The following COL5A1 variants were observed in gnomAD, a reference collection of about 807,000 sequenced individuals.
The protein encoded by COL5A1 is collagen type V alpha 1 chain.
In COL5A1, 16 loss-of-function variants were observed where a neutral mutation model predicts 263.7. The observed-to-expected ratio is 0.06, with a 90% CI of 0.04 to 0.09. The LOEUF is 0.09. Among genes scored for constraint, COL5A1 ranks in the 10% least tolerant of loss-of-function variants. COL5A1 has a pLI of 1.00. For missense variants in COL5A1, 2,036 were observed against 2,540.5 expected (o/e 0.80, Z 4.27); for synonymous variants, 1,012 against 1,004.5 (o/e 1.01, Z -0.14).
chr9:134,708,421 G>GGA, intron 4 of COL5A1: 1 of 408,190 alleles, frequency 2.4e-6, no homozygotes, highest in Non-Finnish European at 4.9e-6. Context: ...GCAACTCCCG[G>GGA]GGTGGGGGCT....
chr9:134,729,976 C>T (rs1223494492), intron 6 of COL5A1, among the ~76,000 whole-genome samples: 1 of 152,194 alleles, frequency 6.6e-6, no homozygotes, highest in Non-Finnish European at 1.5e-5. Flanking sequence ...TGGTGTGTAA[C>T]TGGGTGGGTT....
chr9:134,818,539 A>G lies in COL5A1; in HGVS notation c.4231-117A>G. 1 of 735,530 alleles carries G rather than the reference A, an allele frequency of 1.4e-6. No homozygotes were observed. Among genetic ancestry groups the G allele is most frequent in the South Asian group, 1.5e-5 (1 of 64,526 alleles). The allele number at this position is 735,530 out of a possible 1,614,324, so 45.6% of individuals were successfully genotyped here. Reference sequence around the variant, plus strand: ...ATGTGGAGAATTAGGGCAACCCCGGATATGGGGTCACCTGGGACTCCTCCA... The same window carrying G: ...ATGTGGAGAATTAGGGCAACCCCGGGTATGGGGTCACCTGGGACTCCTCCA... On this transcript the variant is annotated intron_variant, in intron 54 of 65. Coordinates refer to ENST00000371817, the MANE Select transcript of COL5A1 (RefSeq NM_000093.5). The surrounding 1 kb of genome is among the most constrained non-coding windows in gnomAD (Gnocchi z 6.0).
intron 11 of COL5A1, among the ~76,000 whole-genome samples, chr9:134,747,646 T>G (rs11103490): frequency 6.8e-6 from 1 of 147,884 alleles, no homozygotes; most frequent in Non-Finnish European, 1.5e-5. Flanking sequence ...CATGCATTCA[T>G]ACACATGCAG....
At chr9:134,685,807 TC>T (rs1226888098) in intron 1 of COL5A1, among the ~76,000 whole-genome samples, 2 of 139,158 alleles carry the variant, frequency 1.4e-5, no homozygotes, top group African/African-American at 5.5e-5. Context: ...CATCCATCTA[TC>T]CATCCATTCA....
rs371926479 is a variant in COL5A1 at position 134,815,640 on chromosome 9, A to G, written c.4068+11A>G. 15 of 1,613,110 alleles carry G rather than the reference A, an allele frequency of 9.3e-6. No individual in the cohort carries two copies. The Admixed American group carries it at 1.5e-4, about 16-fold the overall frequency. ...GAGCCTGGCCCCGCGGTAGGTGCTC[A>G]AGAGGGCAAAGCCACCGGATCCCCC... On this transcript the variant is annotated intron_variant, in intron 51 of 65. Transcript: ENST00000371817.
At chr9:134,750,929 C>T in intron 13 of COL5A1, 47 bp downstream of exon 13, 1 of 1,511,112 alleles carries the variant, frequency 6.6e-7, no homozygotes, top group Non-Finnish European at 9.1e-7. Context: ...CAGAGCCCAG[C>T]CCCAGGGGCC....
In COL5A1 at chr9:134,678,256, CT is replaced by C. The variant is rs1215238054; in HGVS notation, c.110-12655del. 6.6e-6 allele frequency among the ~76,000 whole-genome samples: 1 copy of C among 152,202 alleles called. No individual in the cohort carries two copies. Among genetic ancestry groups the C allele is most frequent in the African/African-American group, 2.4e-5 (1 of 41,436 alleles). On this transcript the variant is annotated intron_variant, in intron 1 of 65. Coordinates refer to ENST00000371817, the MANE Select transcript of COL5A1 (RefSeq NM_000093.5). The surrounding 1 kb of genome is among the most constrained non-coding windows in gnomAD (Gnocchi z 5.5). ...GGCAGCTTGCTCTACCTCTCTCACGCTGAGTTTCCTCATGTACCAGTGAAGG... is the reference window on the plus strand; with the variant it reads ...GGCAGCTTGCTCTACCTCTCTCACGCGAGTTTCCTCATGTACCAGTGAAGG...
chr9:134,789,148 C>T lies in COL5A1; in HGVS notation c.2647-7C>T. 6.2e-7 allele frequency: 1 copy of T among 1,612,864 alleles called. No individual in the cohort carries two copies. Among genetic ancestry groups the T allele is most frequent in the South Asian group, 1.1e-5 (1 of 91,036 alleles). ...CTCTGATGCCTCCTCCTTAAACTCT[C>T]TTTCAGGGCTCTATTGGATTCCCTG... On this transcript the variant is annotated splice_polypyrimidine_tract_variant and splice_region_variant and intron_variant, in intron 31 of 65. Transcript: ENST00000371817. The surrounding 1 kb of genome is among the most constrained non-coding windows in gnomAD (Gnocchi z 4.8).
At chr9:134,779,368 C>T (rs936757424) in intron 27 of COL5A1, among the ~76,000 whole-genome samples, 4 of 152,202 alleles carry the variant, frequency 2.6e-5, no homozygotes, top group South Asian at 2.1e-4. Flanking sequence ...TCCTGGGCCC[C>T]GTCCCAGAAA....
intron 4 of COL5A1, among the ~76,000 whole-genome samples, chr9:134,710,171 C>A (rs998553928): frequency 1.3e-5 from 2 of 152,186 alleles, no homozygotes; most frequent in African/African-American, 4.8e-5. Context: ...GCTTGTGGTG[C>A]GGATGAAAGG....
chr9:134,806,703 CTG>C, intron 42 of COL5A1, among the ~76,000 whole-genome samples: 1 of 152,336 alleles, frequency 6.6e-6, no homozygotes, highest in African/African-American at 2.4e-5. Context: ...CAGCTGCCCA[CTG>C]TGTGAACTGT....
chr9:134,702,933 T>TA (rs1833721937), intron 4 of COL5A1, among the ~76,000 whole-genome samples: 1 of 152,238 alleles, frequency 6.6e-6, no homozygotes, highest in Non-Finnish European at 1.5e-5. Flanking sequence ...CTGTCTCCCT[T>TA]ATAGGAAGCC....
chr9:134,792,784 T>TGC (rs1179745435), intron 32 of COL5A1, among the ~76,000 whole-genome samples: 1 of 37,506 alleles, frequency 2.7e-5, no homozygotes, highest in East Asian at 3.9e-4. Context: ...TGTGTGTACA[T>TGC]ATGTGTGTGT....
chr9:134,837,378 G>A (rs767153126), intron 65 of COL5A1, among the ~76,000 whole-genome samples: 4 of 152,014 alleles, frequency 2.6e-5, no homozygotes, highest in African/African-American at 4.8e-5. Flanking sequence ...TGGATCCCAC[G>A]AAGGACCCTT....
intron 32 of COL5A1, among the ~76,000 whole-genome samples, chr9:134,793,061 A>G (rs1452687048): frequency 6.6e-6 from 1 of 152,126 alleles, no homozygotes; most frequent in Non-Finnish European, 1.5e-5. Context: ...TGGCAGGAAC[A>G]TAAGCTGCTA....
rs1444564560 is a variant in COL5A1 at position 134,806,178 on chromosome 9, C to T, written c.3259-11C>T. 3.9e-6 allele frequency: 6 copies of T among 1,544,430 alleles called. No individual in the cohort carries two copies. The highest frequency in any genetic ancestry group is 5.3e-6 in the Non-Finnish European group (6 of 1,140,966). ...GCCTTTGAAGCAGACTGTTTTCTTGCTCCACCTCAGGGATCTCCAGGGGAG... is the reference window on the plus strand; with the variant it reads ...GCCTTTGAAGCAGACTGTTTTCTTGTTCCACCTCAGGGATCTCCAGGGGAG... On this transcript the variant is annotated splice_polypyrimidine_tract_variant and intron_variant, in intron 41 of 65. Transcript: ENST00000371817.
At chr9:134,822,469 A>G (rs1839047311) in intron 59 of COL5A1, among the ~76,000 whole-genome samples, 2 of 152,156 alleles carry the variant, frequency 1.3e-5, no homozygotes, top group African/African-American at 4.8e-5. Context: ...AGCCCTCCCA[A>G]TTCCCAGGAG....
chr9:134,817,207 C>A (rs903394091), intron 53 of COL5A1, 128 bp downstream of exon 53: 4 of 809,686 alleles, frequency 4.9e-6, no homozygotes, highest in Admixed American at 4.1e-5. Context: ...TCGGGTGTGG[C>A]ATGTTCTCCA....
intron 1 of COL5A1, among the ~76,000 whole-genome samples, chr9:134,650,692 G>A (rs971039183): frequency 6.6e-6 from 1 of 152,250 alleles, no homozygotes; most frequent in Non-Finnish European, 1.5e-5. Flanking sequence ...CAGCCCTTTG[G>A]GATGCATGCG....
Sources: allele counts gnomAD v4.1 joint callset (sites outside exome capture counted in the v4.1 genomes callset), GRCh38; gene constraint gnomAD v4.1.1; non-coding constraint Gnocchi (gnomAD v3.1); transcripts MANE v1.5; gene names NCBI Gene and HGNC (gene_info 2026-07-23, HGNC 2026-07-21).